The following BTBD19 variants were observed in gnomAD, a reference collection of about 807,000 sequenced individuals.
The protein encoded by BTBD19 is BTB/POZ domain-containing protein 19.
BTBD19 carries 20 observed loss-of-function variants against 36.1 expected under a neutral mutation model. The observed-to-expected ratio is 0.55, with a 90% CI of 0.39 to 0.80. BTBD19 has a LOEUF of 0.80. Among genes scored for constraint, BTBD19 ranks in the 30% least tolerant of loss-of-function variants. BTBD19 has a pLI of 0.00. For missense variants in BTBD19, 325 were observed against 389.8 expected (o/e 0.83, Z 1.40); for synonymous variants, 157 against 174.3 (o/e 0.90, Z 0.78).
intron 3 of BTBD19, chr1:44,811,750 G>T: frequency 3.2e-6 from 1 of 309,370 alleles, no homozygotes; most frequent in Non-Finnish European, 6.6e-6. Context: ...AGTGGAGGAA[G>T]ATAAGCATCC....
At chr1:44,812,018 C>A (rs558647370) in intron 3 of BTBD19, 21 bp from the exon 4 acceptor site, 35 of 1,304,262 alleles carry the variant, frequency 2.7e-5, no homozygotes, top group Middle Eastern at 2.1e-4. Context: ...CCACCCAACC[C>A]ACATTCATTT....
At chr1:44,812,380 T>C (rs1652456944) in intron 4 of BTBD19, 2 of 455,656 alleles carry the variant, frequency 4.4e-6, no homozygotes, top group Non-Finnish European at 8.8e-6. Flanking sequence ...TCAGCTTGAC[T>C]TGGGGTAGGG....
chr1:44,814,194 C>CCTTCTTTCTTTCTT (rs1652606046), downstream of BTBD19: 1 of 140,492 alleles, frequency 7.1e-6, no homozygotes, highest in African/African-American at 4.2e-5. Context: ...TTCTTTCTTT[C>CCTTCTTTCTTTCTT]TTTCTTTCTT....
At chr1:44,812,154 T>C (rs1271860853) in intron 4 of BTBD19, 56 bp downstream of exon 4, 2 of 1,228,998 alleles carry the variant, frequency 1.6e-6, no homozygotes, top group Non-Finnish European at 1.1e-6. Flanking sequence ...GGAAATGGGC[T>C]CCCAGCACCT....
At chr1:44,809,914 C>T (rs902455817) in intron 1 of BTBD19, among the ~76,000 whole-genome samples, 1 of 147,700 alleles carries the variant, frequency 6.8e-6, no homozygotes, top group Admixed American at 6.7e-5. Context: ...AGCCCAGATG[C>T]CCCTCAGTAA....
At position 44,813,872 on chromosome 1, in the gene BTBD19, C is replaced by A; in HGVS notation, c.*100C>A. On this transcript the variant is annotated 3_prime_UTR_variant, in exon 8 of 8. Coordinates refer to ENST00000450269, the Ensembl canonical transcript of BTBD19. This position sits in a 1 kb window ranked among gnomAD's most constrained non-coding sequence, Gnocchi z 7.8. ...TCGGCGTTCGGAGCGGGCTTCCGTT[C>A]CCAGCGTGCCCAGTGAGCCGGGCGC... 1 of 1,483,022 alleles carries A rather than the reference C, an allele frequency of 6.7e-7. No homozygotes were observed. The highest frequency in any genetic ancestry group is 9.2e-7 in the Non-Finnish European group (1 of 1,091,458). The allele number at this position is 1,483,022 out of a possible 1,614,324, so 91.9% of individuals were successfully genotyped here.
Position 44,813,318 on chromosome 1 carries a change from C to T in BTBD19, c.615+49C>T. On this transcript the variant is annotated intron_variant, in intron 6 of 7. Transcript: ENST00000450269. This position sits in a 1 kb window ranked among gnomAD's most constrained non-coding sequence, Gnocchi z 7.8. ...AGGGCACGGAAGGAGGTGCTGGCCA[C>T]GAGACTGGTGAGCGGGCGGCAGGAC... 1 of 1,538,768 alleles carries T rather than the reference C, an allele frequency of 6.5e-7. No individual in the cohort carries two copies.
chr1:44,809,361 G>A (rs1196517896), intron 1 of BTBD19, among the ~76,000 whole-genome samples: 1 of 152,216 alleles, frequency 6.6e-6, no homozygotes, highest in Admixed American at 6.5e-5. Context: ...TCCCTGACAG[G>A]AAGCCTCGGG....
chr1:44,813,112 T>G lies in BTBD19; in HGVS notation c.484-26T>G, dbSNP rs905977597. On this transcript the variant is annotated intron_variant, in intron 5 of 7. Transcript: ENST00000450269. This position sits in a 1 kb window ranked among gnomAD's most constrained non-coding sequence, Gnocchi z 7.8. Reference sequence around the variant, plus strand: ...CACCCTACGCACCGCATTCTGCTCCTCCCTGACCCATTTGCCGGCTCGCAG... The same window carrying G: ...CACCCTACGCACCGCATTCTGCTCCGCCCTGACCCATTTGCCGGCTCGCAG... The G allele has an allele frequency of 2.6e-6, 4 of 1,544,984 alleles. No homozygotes were observed. The Admixed American group carries it at 7.9e-5, about 31-fold the overall frequency.
In BTBD19 at chr1:44,810,671, TGCCTCACACACACTCTG is replaced by T; in HGVS notation, c.354+69_354+85del. Reference sequence around the variant, plus strand: ...CTTCTCACGGGCTCACTTCCCGCCCTGCCTCACACACACTCTGGCCTGGAGAGGAACGTGTGCCCACA... The same window carrying T: ...CTTCTCACGGGCTCACTTCCCGCCCTGCCTGGAGAGGAACGTGTGCCCACA... On this transcript the variant is annotated intron_variant, in intron 3 of 7. Transcript: ENST00000450269. The surrounding 1 kb of genome is among the most constrained non-coding windows in gnomAD (Gnocchi z 4.2). The T allele has an allele frequency of 7.0e-7, 1 of 1,437,778 alleles. No individual in the cohort carries two copies. The allele number at this position is 1,437,778 out of a possible 1,614,324, so 89.1% of individuals were successfully genotyped here. A position where few individuals can be genotyped will look rare whatever the true frequency, so the allele number is the denominator to read the frequency against.
Position 44,813,763 on chromosome 1 carries a change from C to A in BTBD19, c.867C>A (p.Ser289=). Residue 289 remains serine, a synonymous_variant, in exon 8 of 8, where the codon TCC becomes TCA. Coordinates refer to ENST00000450269, the Ensembl canonical transcript of BTBD19. The surrounding 1 kb of genome is among the most constrained non-coding windows in gnomAD (Gnocchi z 7.8). ...AGCATCACCGCTTTCTGGACCTGTC[C>A]TTCAAATGATCCAACGCCGGGACTC... The A allele has an allele frequency of 6.4e-7, 1 of 1,551,496 alleles. No individual in the cohort carries two copies. Among genetic ancestry groups the A allele is most frequent in the Non-Finnish European group, 8.7e-7 (1 of 1,146,868 alleles).
chr1:44,811,928 TG>T, intron 3 of BTBD19, 110 bp from the exon 4 acceptor site: 1 of 832,754 alleles, frequency 1.2e-6, no homozygotes, highest in Non-Finnish European at 1.8e-6. Flanking sequence ...AGGATGGGTC[TG>T]GGGCTGCTGG....
Position 44,813,230 on chromosome 1 carries a change from A to G in BTBD19, c.576A>G (p.Glu192=), listed in dbSNP as rs1282114549. 6.5e-7 allele frequency: 1 copy of G among 1,541,992 alleles called. No individual in the cohort carries two copies. Among genetic ancestry groups the G allele is most frequent in the Non-Finnish European group, 8.7e-7 (1 of 1,144,706 alleles). The change falls in exon 6 of 8, where the codon GAA becomes GAG. Residue 192 remains glutamate (E), a synonymous_variant. Coordinates refer to ENST00000450269, the Ensembl canonical transcript of BTBD19. The surrounding 1 kb of genome is among the most constrained non-coding windows in gnomAD (Gnocchi z 7.8). The stretch of plus-strand genomic sequence containing the variant: ...ACAAGCTCTGCGTGGACGAGGCTGA[A>G]CTGGTCCGCGCGGCCCGAAGCTGGG...
chr1:44,808,576 CCATAGG>C (rs1652243328), exon 1 of BTBD19: 1 of 389,014 alleles, frequency 2.6e-6, no homozygotes, highest in African/African-American at 2.1e-5. Flanking sequence ...CTTCCCAGGA[CCATAGG>C]CCACTCCAGC....
chr1:44,808,720 C>G (rs542128417), exon 1 of BTBD19: 4 of 825,828 alleles, frequency 4.8e-6, no homozygotes, highest in South Asian at 1.9e-5. Flanking sequence ...ACAGGCCTCC[C>G]AAGTCCCTGC....
At chr1:44,814,440 G>GGC (rs1652628177), downstream of BTBD19, 2 of 151,570 alleles carry the variant, frequency 1.3e-5, no homozygotes, top group South Asian at 4.1e-4. Context: ...TGGTACTACA[G>GGC]GCGCCCATCA....
At chr1:44,809,475 T>G (rs943003398) in intron 1 of BTBD19, among the ~76,000 whole-genome samples, 1 of 152,212 alleles carries the variant, frequency 6.6e-6, no homozygotes, top group Admixed American at 6.5e-5. Flanking sequence ...TGAAGTTCTC[T>G]GTCCTCATGG....
chr1:44,814,194 C>CTTTCTTTT (rs1553163550), downstream of BTBD19: 1 of 140,404 alleles, frequency 7.1e-6, no homozygotes, highest in African/African-American at 4.2e-5. Flanking sequence ...TTCTTTCTTT[C>CTTTCTTTT]TTTCTTTCTT....
exon 1 of BTBD19, chr1:44,808,585 A>G: frequency 2.6e-6 from 1 of 391,000 alleles, no homozygotes; most frequent in South Asian, 5.1e-5. Context: ...ACCATAGGCC[A>G]CTCCAGCCTC....
Sources: allele counts gnomAD v4.1 joint callset (sites outside exome capture counted in the v4.1 genomes callset), GRCh38; gene constraint gnomAD v4.1.1; non-coding constraint Gnocchi (gnomAD v3.1); transcripts MANE v1.5; gene names NCBI Gene and HGNC (gene_info 2026-07-23, HGNC 2026-07-21).